Variants in NEBL observed in about 807,000 individuals in gnomAD.
NEBL encodes the protein LIM and SH3 protein 2.
Under a neutral mutation model 140.2 loss-of-function variants are expected in NEBL, and 122 were observed. That is an observed-to-expected ratio of 0.87 (90% CI 0.75 to 1.01). NEBL has a LOEUF of 1.01. Ranked by LOEUF, NEBL falls within the 50% of genes least tolerant of loss-of-function variation. The pLI is 0.00. For missense variants in NEBL, 1,365 were observed against 1,231.3 expected, an observed-to-expected ratio of 1.11 and a Z score of -1.62; for synonymous variants, 436 against 398.9, an observed-to-expected ratio of 1.09 and a Z score of -1.11.
intron 2 of NEBL, among the ~76,000 whole-genome samples, chr10:21,106,908 T>C (rs1355288438): frequency 1.3e-5 from 2 of 152,192 alleles, no homozygotes; most frequent in South Asian, 2.1e-4. Context: ...TCACATCCCT[T>C]GTAAGTTAAA....
intron 1 of NEBL, among the ~76,000 whole-genome samples, chr10:21,268,135 A>G (rs1436134076): frequency 2.6e-5 from 4 of 152,180 alleles, no homozygotes; most frequent in Non-Finnish European, 5.9e-5. Context: ...CTCTCACTGC[A>G]TGTGACCACT....
At chr10:20,802,023 T>C (rs1026432713) in intron 26 of NEBL, among the ~76,000 whole-genome samples, 5 of 152,164 alleles carry the variant, frequency 3.3e-5, no homozygotes, top group African/African-American at 9.7e-5. Flanking sequence ...TCATTCCCCA[T>C]CACACTCCCA....
At chr10:20,886,528 T>TA (rs1209454051) in intron 4 of NEBL, among the ~76,000 whole-genome samples, 1 of 151,444 alleles carries the variant, frequency 6.6e-6, no homozygotes, top group East Asian at 1.9e-4. Flanking sequence ...GACTCCATCT[T>TA]AAAAAAAGAA....
upstream of NEBL, among the ~76,000 whole-genome samples, chr10:21,177,365 T>C (rs1841317144): frequency 6.6e-6 from 1 of 151,964 alleles, no homozygotes; most frequent in Non-Finnish European, 1.5e-5. Context: ...ATGACGGGAG[T>C]AAGAAATAAT....
At chr10:21,284,036 TAAAAAAAAAAAA>T (rs5783774) in intron 1 of NEBL, among the ~76,000 whole-genome samples, 3 of 67,596 alleles carry the variant, frequency 4.4e-5, no homozygotes, top group African/African-American at 1.3e-4. Context: ...TAATCTGCAC[TAAAAAAAAAAAA>T]AAAAAAAAAA....
intron 2 of NEBL, among the ~76,000 whole-genome samples, chr10:21,064,188 C>G (rs1304355043): frequency 6.6e-6 from 1 of 151,610 alleles, no homozygotes; most frequent in Non-Finnish European, 1.5e-5. Context: ...AATAGAAACA[C>G]AGCACATACT....
intron 2 of NEBL, chr10:21,029,395 C>T: frequency 6.2e-7 from 1 of 1,611,426 alleles, no homozygotes; most frequent in African/African-American, 1.3e-5. Context: ...ACCCAGCAAT[C>T]CAGAGAGGTT....
chr10:20,962,385 T>C (rs1191328873), intron 3 of NEBL, among the ~76,000 whole-genome samples: 1 of 152,242 alleles, frequency 6.6e-6, no homozygotes, highest in African/African-American at 2.4e-5. Flanking sequence ...GGCAAGTACA[T>C]AAATGCTTAT....
chr10:21,017,118 C>T (rs1476552362), intron 3 of NEBL, among the ~76,000 whole-genome samples: 2 of 152,120 alleles, frequency 1.3e-5, no homozygotes, highest in Non-Finnish European at 2.9e-5. Flanking sequence ...CTATTCCGTA[C>T]CAGCTAAGTG....
At chr10:21,169,309 A>G (rs936314266) in intron 2 of NEBL, among the ~76,000 whole-genome samples, 4 of 151,754 alleles carry the variant, frequency 2.6e-5, no homozygotes, top group African/African-American at 9.7e-5. Flanking sequence ...TTGACTCCTG[A>G]ACCAAACCAG....
chr10:21,154,764 A>C (rs1166427973), intron 2 of NEBL, among the ~76,000 whole-genome samples: 1 of 152,190 alleles, frequency 6.6e-6, no homozygotes, highest in African/African-American at 2.4e-5. Flanking sequence ...ACAAAATCTA[A>C]AATAATTTGA....
intron 2 of NEBL, among the ~76,000 whole-genome samples, chr10:21,021,323 A>T (rs571495072): frequency 6.6e-6 from 1 of 152,304 alleles, no homozygotes; most frequent in South Asian, 2.1e-4. Context: ...AATGTTCTCA[A>T]ATGCAAATCT....
At chr10:21,075,120 T>A (rs978418582) in intron 2 of NEBL, among the ~76,000 whole-genome samples, 1 of 152,080 alleles carries the variant, frequency 6.6e-6, no homozygotes, top group Non-Finnish European at 1.5e-5. Context: ...ATTATTTTTT[T>A]AAAAAGAAGA....
intron 5 of NEBL, among the ~76,000 whole-genome samples, chr10:20,876,888 G>GA (rs1157462318): frequency 6.6e-6 from 1 of 152,138 alleles, no homozygotes; most frequent in Non-Finnish European, 1.5e-5. Context: ...AATTACATTA[G>GA]AAAAAACTGG....
intron 2 of NEBL, among the ~76,000 whole-genome samples, chr10:21,107,496 C>G (rs573565291): frequency 4.6e-5 from 7 of 152,144 alleles, no homozygotes; most frequent in African/African-American, 1.2e-4. Context: ...GTTGAATCAG[C>G]CTTGCATCCC....
At chr10:21,109,384 T>C (rs1457617880) in intron 2 of NEBL, among the ~76,000 whole-genome samples, 1 of 152,200 alleles carries the variant, frequency 6.6e-6, no homozygotes, top group Non-Finnish European at 1.5e-5. Flanking sequence ...TTTGATGTGC[T>C]GCTGGATTCA....
chr10:21,266,378 G>A (rs758458575), intron 1 of NEBL, among the ~76,000 whole-genome samples: 2 of 152,182 alleles, frequency 1.3e-5, no homozygotes, highest in Non-Finnish European at 2.9e-5. Flanking sequence ...CTGAGCTCAA[G>A]CAACCCACCC....
intron 16 of NEBL, among the ~76,000 whole-genome samples, chr10:20,830,192 G>T (rs1840271185): frequency 6.6e-6 from 1 of 152,118 alleles, no homozygotes; most frequent in African/African-American, 2.4e-5. Context: ...ACTAGTGGAT[G>T]GTTAATGTCC....
intron 10 of NEBL, among the ~76,000 whole-genome samples, chr10:20,852,046 G>C (rs1301430731): frequency 6.6e-6 from 1 of 151,932 alleles, no homozygotes; most frequent in Non-Finnish European, 1.5e-5. Flanking sequence ...GTATGCTAGA[G>C]AGAAGATATT....
Sources: allele counts gnomAD v4.1 joint callset (sites outside exome capture counted in the v4.1 genomes callset), GRCh38; gene constraint gnomAD v4.1.1; transcripts MANE v1.5; gene names NCBI Gene and HGNC (gene_info 2026-07-23, HGNC 2026-07-21).